Variants in WWOX observed in about 807,000 individuals in gnomAD.
The protein encoded by WWOX is WW domain containing oxidoreductase, also known as WW domain-containing oxidoreductase.
In WWOX, 69 loss-of-function variants were observed where a neutral mutation model predicts 46.2. The ratio of observed to expected loss-of-function variants is 1.49; its 90% confidence interval spans 1.23 to 1.82. WWOX has a LOEUF of 1.82. Among genes scored for constraint, WWOX ranks in the 40% most tolerant of loss-of-function variants. WWOX has a pLI of 0.00. For missense variants in WWOX, 919 were observed against 542.6 expected (o/e 1.69, Z -6.89); for synonymous variants, 359 against 202.6 (o/e 1.77, Z -6.56).
intron 8 of WWOX, among the ~76,000 whole-genome samples, chr16:78,676,308 G>A (rs534093158): frequency 1.3e-5 from 2 of 151,952 alleles, no homozygotes; most frequent in South Asian, 4.2e-4. Context: ...GAGGGTCTCA[G>A]ACTTTGTCCC....
intron 8 of WWOX, among the ~76,000 whole-genome samples, chr16:78,540,067 A>T (rs1265890273): frequency 6.6e-6 from 1 of 150,748 alleles, no homozygotes; most frequent in Non-Finnish European, 1.5e-5. Context: ...AGACACCAAT[A>T]TAAACTGTAG....
At chr16:79,156,764 G>A (rs1031412362) in intron 8 of WWOX, among the ~76,000 whole-genome samples, 1 of 149,388 alleles carries the variant, frequency 6.7e-6, no homozygotes, top group Non-Finnish European at 1.5e-5. Flanking sequence ...AATATCCAAG[G>A]GATGTATGAT....
chr16:78,911,726 C>T (rs1330800385), intron 8 of WWOX, among the ~76,000 whole-genome samples: 2 of 151,920 alleles, frequency 1.3e-5, no homozygotes, highest in Admixed American at 6.6e-5. Flanking sequence ...ATTAGCCAGA[C>T]GTGATGGTGC....
At chr16:79,190,523 C>G (rs902103984) in intron 8 of WWOX, among the ~76,000 whole-genome samples, 4 of 152,150 alleles carry the variant, frequency 2.6e-5, no homozygotes, top group African/African-American at 9.7e-5. Context: ...CCCTCTGGCT[C>G]CACTGAAATT....
intron 4 of WWOX, among the ~76,000 whole-genome samples, chr16:78,154,236 G>A (rs1288908650): frequency 1.3e-5 from 2 of 152,114 alleles, no homozygotes; most frequent in African/African-American, 2.4e-5. Context: ...GGGATAAGAG[G>A]GCACCTCGTC....
intron 8 of WWOX, among the ~76,000 whole-genome samples, chr16:78,522,746 TAA>T (rs1415259224): frequency 6.6e-6 from 1 of 152,188 alleles, no homozygotes; most frequent in East Asian, 1.9e-4. Context: ...CTTGGGATGA[TAA>T]AGTCAAGTCG....
chr16:78,985,464 C>T (rs747571994), intron 8 of WWOX, among the ~76,000 whole-genome samples: 8 of 152,146 alleles, frequency 5.3e-5, no homozygotes, highest in Admixed American at 6.5e-5. Context: ...TAGTGGAAGT[C>T]GCCTGCACTA....
At chr16:78,221,729 A>G (rs1597369048) in intron 5 of WWOX, among the ~76,000 whole-genome samples, 1 of 152,286 alleles carries the variant, frequency 6.6e-6, no homozygotes, top group East Asian at 1.9e-4. Flanking sequence ...ATTGCCTTGG[A>G]GTGATGTGTG....
chr16:79,013,183 G>A (rs2047346689), intron 8 of WWOX, among the ~76,000 whole-genome samples: 1 of 152,194 alleles, frequency 6.6e-6, no homozygotes, highest in Non-Finnish European at 1.5e-5. Context: ...CCACCGCACA[G>A]CCCCAGGGCT....
chr16:78,419,643 AAAAAAAAG>A (rs1340090254), intron 6 of WWOX, among the ~76,000 whole-genome samples: 3 of 149,808 alleles, frequency 2.0e-5, no homozygotes, highest in African/African-American at 7.4e-5. Context: ...AAAAAAAAAA[AAAAAAAAG>A]GGTCAGAGAC....
At chr16:78,816,252 C>T (rs1237961375) in intron 8 of WWOX, among the ~76,000 whole-genome samples, 4 of 152,278 alleles carry the variant, frequency 2.6e-5, no homozygotes, top group South Asian at 2.1e-4. Context: ...AGAAAGAGGG[C>T]ACCCTTTTCT....
At chr16:79,166,995 G>C (rs978480908) in intron 8 of WWOX, among the ~76,000 whole-genome samples, 3 of 152,024 alleles carry the variant, frequency 2.0e-5, no homozygotes, top group African/African-American at 7.2e-5. Flanking sequence ...AGGCTGGAGT[G>C]CATGGCCTGA....
chr16:78,760,623 C>G (rs982553270), intron 8 of WWOX, among the ~76,000 whole-genome samples: 1 of 152,084 alleles, frequency 6.6e-6, no homozygotes, highest in African/African-American at 2.4e-5. Flanking sequence ...AGGTACTTGC[C>G]CTTGTCTTTG....
At chr16:78,801,143 T>G (rs898270623) in intron 8 of WWOX, among the ~76,000 whole-genome samples, 1 of 151,914 alleles carries the variant, frequency 6.6e-6, no homozygotes, top group Non-Finnish European at 1.5e-5. Context: ...AGCCTCCACC[T>G]CTGCCTCCCA....
intron 8 of WWOX, among the ~76,000 whole-genome samples, chr16:78,883,108 A>G (rs555949327): frequency 5.3e-5 from 8 of 152,196 alleles, no homozygotes; most frequent in Non-Finnish European, 1.2e-4. Context: ...GTAGATATTC[A>G]GGAAGAATTG....
chr16:78,929,379 A>AT (rs1254501584), intron 8 of WWOX, among the ~76,000 whole-genome samples: 2 of 151,920 alleles, frequency 1.3e-5, no homozygotes, highest in African/African-American at 2.4e-5. Flanking sequence ...TGCTTGCCTT[A>AT]TTTTTATAAC....
At chr16:78,296,016 G>A (rs1051467932) in intron 5 of WWOX, among the ~76,000 whole-genome samples, 1 of 152,212 alleles carries the variant, frequency 6.6e-6, no homozygotes, top group Non-Finnish European at 1.5e-5. Flanking sequence ...CATCACTAGG[G>A]TAGAATCTTA....
intron 8 of WWOX, among the ~76,000 whole-genome samples, chr16:78,906,313 A>G (rs2044962999): frequency 6.6e-6 from 1 of 152,198 alleles, no homozygotes; most frequent in African/African-American, 2.4e-5. Flanking sequence ...TTGGCCTTGA[A>G]TAAGATGACT....
chr16:78,440,942 C>G (rs117716307), intron 8 of WWOX, among the ~76,000 whole-genome samples: 12,457 of 151,388 alleles, frequency 0.082, 925 homozygotes, highest in African/African-American at 0.19. Flanking sequence ...TTTCTTTTTT[C>G]TTTTCTTTTC....
Sources: allele counts gnomAD v4.1 joint callset (sites outside exome capture counted in the v4.1 genomes callset), GRCh38; gene constraint gnomAD v4.1.1; transcripts MANE v1.5; gene names NCBI Gene and HGNC (gene_info 2026-07-23, HGNC 2026-07-21).